TSPEAR: variants seen among roughly 807,000 people sequenced by gnomAD.
The protein encoded by TSPEAR is thrombospondin type laminin G domain and EAR repeats, also known as thrombospondin-type laminin G domain and EAR repeat-containing protein.
TSPEAR carries 69 observed loss-of-function variants against 71.6 expected under a neutral mutation model. The ratio of observed to expected loss-of-function variants is 0.96; its 90% CI spans 0.79 to 1.18. The LOEUF (loss-of-function observed/expected upper bound fraction) is 1.18. Among genes scored for constraint, TSPEAR ranks in the 50% most tolerant of loss-of-function variants. The probability of loss-of-function intolerance (pLI) is 0.00; values close to 1 mark genes in which losing one functional copy is unlikely to be tolerated. For synonymous variants in TSPEAR, 402 were observed against 387.2 expected (o/e 1.04, Z -0.45); for missense variants, 971 against 894.9 (o/e 1.09, Z -1.09).
chr21:44,592,224 G>C (rs1555926856), intron 1 of TSPEAR: 2 of 1,602,772 alleles, frequency 1.2e-6, no homozygotes, highest in East Asian at 2.2e-5. Context: ...GGCAGCACGA[G>C]GGCGTGCAGG....
At chr21:44,547,648 G>C (rs1421730524) in intron 2 of TSPEAR, among the ~76,000 whole-genome samples, 1 of 152,232 alleles carries the variant, frequency 6.6e-6, no homozygotes, top group Non-Finnish European at 1.5e-5. Context: ...TAATTTGACA[G>C]AGAGTTCCTT....
At chr21:44,509,015 C>T in intron 10 of TSPEAR, 184 bp downstream of exon 10, 1 of 1,483,620 alleles carries the variant, frequency 6.7e-7, no homozygotes, top group Non-Finnish European at 9.2e-7. Flanking sequence ...CTGACTTCCC[C>T]AGGCCAGGAA....
intron 1 of TSPEAR, chr21:44,677,662 C>G (rs1555947138): frequency 6.7e-6 from 9 of 1,334,226 alleles, no homozygotes; most frequent in Non-Finnish European, 8.6e-6. Context: ...ACTGTATCAC[C>G]TGCGGTTGCT....
chr21:44,600,652 A>G, intron 1 of TSPEAR: 1 of 1,613,702 alleles, frequency 6.2e-7, no homozygotes, highest in Non-Finnish European at 8.5e-7. Context: ...TGTCTGCTCC[A>G]GCGACCTGAG....
chr21:44,579,303 C>A (rs1978701887), intron 1 of TSPEAR, among the ~76,000 whole-genome samples: 1 of 152,196 alleles, frequency 6.6e-6, no homozygotes, highest in Non-Finnish European at 1.5e-5. Flanking sequence ...CTGGGCGTGG[C>A]TGTGAGTTCC....
At chr21:44,626,299 T>C (rs1555934307) in intron 1 of TSPEAR, among the ~76,000 whole-genome samples, 1 of 152,220 alleles carries the variant, frequency 6.6e-6, no homozygotes, top group African/African-American at 2.4e-5. Flanking sequence ...TGATAACAAT[T>C]CATCATCAAA....
At position 44,583,495 on chromosome 21, in the gene TSPEAR, G is replaced by A. The variant is rs13433451; in HGVS notation, c.83-15490C>T. Among the ~76,000 whole-genome samples the A allele has an allele frequency of 8.4e-3, 1,276 of 152,290 alleles. 17 individuals carry two copies. Among genetic ancestry groups the A allele is most frequent in the African/African-American group, 0.029 (1,204 of 41,536 alleles). On this transcript the variant is annotated intron_variant, in intron 1 of 11. Transcript: ENST00000323084. ...TGGTTTGTCGCAAAGCCTTGGTCTC[G>A]TGCATGCAGTGTTTTTTCACTCTAG...
intron 6 of TSPEAR, among the ~76,000 whole-genome samples, chr21:44,527,795 T>C (rs1555915158): frequency 1.3e-5 from 2 of 152,208 alleles, no homozygotes; most frequent in Non-Finnish European, 2.9e-5. Flanking sequence ...CTACGGCAAG[T>C]TGTGCTCTCG....
At chr21:44,617,410 G>T (rs587601610) in intron 1 of TSPEAR, among the ~76,000 whole-genome samples, 2 of 152,392 alleles carry the variant, frequency 1.3e-5, no homozygotes, top group South Asian at 4.1e-4. Context: ...CCCTGTGCTG[G>T]GCTGGGTGGG....
intron 1 of TSPEAR, among the ~76,000 whole-genome samples, chr21:44,606,685 G>A (rs868914178): frequency 3.3e-5 from 5 of 152,116 alleles, no homozygotes; most frequent in Non-Finnish European, 5.9e-5. Flanking sequence ...AATACTATTC[G>A]GCCATGAAAA....
intron 1 of TSPEAR, chr21:44,579,786 C>G (rs587696531): frequency 6.2e-7 from 1 of 1,612,370 alleles, no homozygotes; most frequent in East Asian, 2.2e-5. Context: ...GGGGAGCACG[C>G]GGGGCGGCAG....
intron 1 of TSPEAR, among the ~76,000 whole-genome samples, chr21:44,650,155 G>A (rs1012123041): frequency 6.6e-6 from 1 of 151,934 alleles, no homozygotes; most frequent in African/African-American, 2.4e-5. Flanking sequence ...GGTCAAGGCT[G>A]CAGTGAGCCG....
At chr21:44,548,377 T>C (rs946161884) in intron 2 of TSPEAR, among the ~76,000 whole-genome samples, 1 of 152,332 alleles carries the variant, frequency 6.6e-6, no homozygotes, top group Non-Finnish European at 1.5e-5. Context: ...TGTGTTCCCT[T>C]GACTGCTGCA....
intron 1 of TSPEAR, among the ~76,000 whole-genome samples, chr21:44,696,458 GATA>G (rs376003943): frequency 2.0e-4 from 31 of 152,286 alleles, no homozygotes; most frequent in African/African-American, 7.2e-4. Flanking sequence ...GTAGAGTGGG[GATA>G]ATAACAGCCC....
intron 2 of TSPEAR, among the ~76,000 whole-genome samples, chr21:44,549,321 T>C (rs1372418747): frequency 6.6e-6 from 1 of 152,194 alleles, no homozygotes; most frequent in Non-Finnish European, 1.5e-5. Flanking sequence ...ACTAAAGGAC[T>C]GATCAGGCTG....
chr21:44,539,438 G>C, intron 2 of TSPEAR: 1 of 1,613,136 alleles, frequency 6.2e-7, no homozygotes, highest in East Asian at 2.2e-5. Context: ...CCGGCATACA[G>C]GGCGGCAGAG....
At chr21:44,603,799 C>G (rs1251521623) in intron 1 of TSPEAR, among the ~76,000 whole-genome samples, 4 of 152,238 alleles carry the variant, frequency 2.6e-5, no homozygotes, top group African/African-American at 9.6e-5. Context: ...TGCCTACCGC[C>G]ATCCCTGGTG....
intron 1 of TSPEAR, chr21:44,600,610 T>G: frequency 6.2e-7 from 1 of 1,609,156 alleles, no homozygotes; most frequent in African/African-American, 1.3e-5. Context: ...CTCCTCCAGT[T>G]CAATCCCCAG....
At chr21:44,544,736 G>A (rs1205849086) in intron 2 of TSPEAR, among the ~76,000 whole-genome samples, 1 of 152,150 alleles carries the variant, frequency 6.6e-6, no homozygotes, top group African/African-American at 2.4e-5. Context: ...ATGGCCTGGT[G>A]GGGGAGGAGC....
Sources: allele counts gnomAD v4.1 joint callset (sites outside exome capture counted in the v4.1 genomes callset), GRCh38; gene constraint gnomAD v4.1.1; transcripts MANE v1.5; gene names NCBI Gene and HGNC (gene_info 2026-07-23, HGNC 2026-07-21).